DPYSL4: variants seen among roughly 807,000 people sequenced by gnomAD.
DPYSL4 encodes dihydropyrimidinase-related protein 4.
DPYSL4 carries 43 observed loss-of-function variants against 63.4 expected under a neutral mutation model. That is an observed-to-expected ratio of 0.68 (90% CI 0.53 to 0.88). DPYSL4 has a LOEUF of 0.88. DPYSL4 is among the 40% of genes least tolerant of loss of function. The pLI, the probability that DPYSL4 is intolerant of heterozygous loss-of-function variation, is 0.00. For missense variants in DPYSL4, 733 were observed against 819.5 expected (o/e 0.89, Z 1.29); for synonymous variants, 353 against 331.7 (o/e 1.06, Z -0.70).
In DPYSL4 at chr10:132,204,848, C is replaced by T. The variant is rs759820948; in HGVS notation, c.1637C>T (p.Ala546Val). 1 of 1,611,088 alleles carries T rather than the reference C, an allele frequency of 6.2e-7. No individual in the cohort carries two copies. Among genetic ancestry groups the T allele is most frequent in the Admixed American group, 1.7e-5 (1 of 59,692 alleles). Residue 546 changes from alanine (A) to valine (V), a missense_variant, in exon 14 of 14, where the codon GCT becomes GTT. Coordinates refer to ENST00000338492, the MANE Select transcript of DPYSL4 (RefSeq NM_006426.3). ...TGTGCCCTTTCTTCAGGGTCTCAGGCTGATGACCACATCGCCCGACGCACA... is the reference window on the plus strand; with the variant it reads ...TGTGCCCTTTCTTCAGGGTCTCAGGTTGATGACCACATCGCCCGACGCACA... ...QSGFSLSGSQ[A>V]DDHIARRTAQ...
intron 4 of DPYSL4, among the ~76,000 whole-genome samples, chr10:132,196,090 C>T (rs1322587705): frequency 6.6e-6 from 1 of 152,264 alleles, no homozygotes; most frequent in Non-Finnish European, 1.5e-5. Flanking sequence ...CACAGTGTGA[C>T]TCAGTTTCCC....
rs746291366 is a variant in DPYSL4 at position 132,200,916 on chromosome 10, T to G, written c.1043T>G (p.Phe348Cys). 6.2e-7 allele frequency: 1 copy of G among 1,613,196 alleles called. No individual in the cohort carries two copies. The highest frequency in any genetic ancestry group is 8.5e-7 in the Non-Finnish European group (1 of 1,179,956). Reference protein sequence around the residue: ...TAQKAVGKDNFALIPEGTNGI... With the variant: ...TAQKAVGKDNCALIPEGTNGI... Reference sequence around the variant, plus strand: ...CAGAAGGCTGTGGGCAAGGACAACTTCGCGCTGATCCCCGAGGGCACCAAC... The same window carrying G: ...CAGAAGGCTGTGGGCAAGGACAACTGCGCGCTGATCCCCGAGGGCACCAAC... The change falls in exon 10 of 14, where the codon TTC becomes TGC. Residue 348 changes from phenylalanine to cysteine, a missense_variant. Transcript: ENST00000338492.
intron 1 of DPYSL4, among the ~76,000 whole-genome samples, chr10:132,189,217 G>A (rs2061842243): frequency 6.6e-6 from 1 of 152,270 alleles, no homozygotes; most frequent in South Asian, 2.1e-4. Flanking sequence ...TGCCGGGTCA[G>A]TTGCAGGGCG....
At chr10:132,189,507 G>A (rs2061846383) in intron 1 of DPYSL4, among the ~76,000 whole-genome samples, 1 of 152,182 alleles carries the variant, frequency 6.6e-6, no homozygotes, top group Non-Finnish European at 1.5e-5. Flanking sequence ...GCTCTGTGCT[G>A]CCAGGGCTGA....
rs150522471 is a variant in DPYSL4, at chr10:132,200,447, C to T, written c.903C>T (p.Phe301=). 1,311 of 1,613,458 alleles carry T rather than the reference C, an allele frequency of 8.1e-4. No homozygotes were observed. Among genetic ancestry groups the T allele is most frequent in the Non-Finnish European group, 1.0e-3 (1,190 of 1,179,944 alleles). The stretch of plus-strand genomic sequence containing the variant: ...AGAACTGGGCCAAGGCCGCAGCCTT[C>T]GTCACATCACCCCCTGTCAACCCAG... ...WSKNWAKAAA[F]VTSPPVNPDP... The change falls in exon 9 of 14, where the codon TTC becomes TTT. Residue 301 remains phenylalanine, a synonymous_variant. Transcript: ENST00000338492.
chr10:132,199,016 G>A lies in DPYSL4; in HGVS notation c.811+45G>A, dbSNP rs186313092. On this transcript the variant is annotated intron_variant, in intron 8 of 13. Transcript: ENST00000338492. ...TCTGATGCCGAGGGGCCATGGTCTCGGCCTCCTGGGTGCAGCCCTGGGGAG... is the reference window on the plus strand; with the variant it reads ...TCTGATGCCGAGGGGCCATGGTCTCAGCCTCCTGGGTGCAGCCCTGGGGAG... 1,732 of 1,593,220 alleles carry A rather than the reference G, an allele frequency of 1.1e-3. 4 individuals carry two copies. Among genetic ancestry groups the A allele is most frequent in the Non-Finnish European group, 1.3e-3 (1,531 of 1,167,626 alleles).
At position 132,198,602 on chromosome 10, in the gene DPYSL4, C is replaced by G. The variant is rs185250696; in HGVS notation, c.690+119C>G. On this transcript the variant is annotated intron_variant, in intron 7 of 13. Transcript: ENST00000338492. ...CCTGCCACTGTGCTCGCCCCGACCT[C>G]ATCTGGGAGGCGTGAATCCTCCCCG... 14 of 1,144,266 alleles carry G rather than the reference C, an allele frequency of 1.2e-5. No homozygotes were observed. In the African/African-American group the frequency reaches 1.9e-4, roughly 15 times the overall value. 70.9% of individuals were successfully genotyped at this position (1,144,266 alleles called of 1,614,324 possible).
intron 1 of DPYSL4, among the ~76,000 whole-genome samples, chr10:132,187,458 G>A (rs11146233): frequency 0.5 from 75,230 of 151,568 alleles, 19,947 homozygotes; most frequent in East Asian, 0.93. Context: ...CCTGTCCCTC[G>A]GAGCGCTAGC....
In DPYSL4 at chr10:132,205,027, A is replaced by G. The variant is rs1005916729; in HGVS notation, c.*97A>G. 1.5e-4 allele frequency: 153 copies of G among 1,024,242 alleles called. No individual in the cohort carries two copies. Among genetic ancestry groups the G allele is most frequent in the Non-Finnish European group, 2.0e-4 (147 of 721,622 alleles). 63.4% of individuals were successfully genotyped at this position (1,024,242 alleles called of 1,614,324 possible). ...CCTCCTTAGCATTTTCTTTTGTAGA[A>G]GTTTCTCGAAGGTGCTTGGCGGTCT... On this transcript the variant is annotated 3_prime_UTR_variant, in exon 14 of 14. Transcript: ENST00000338492.
Position 132,201,975 on chromosome 10 carries a change from C to T in DPYSL4, c.1140C>T (p.Phe380=), listed in dbSNP as rs528676420. The T allele has an allele frequency of 2.7e-5, 44 of 1,613,106 alleles. No homozygotes were observed. Among genetic ancestry groups the T allele is most frequent in the Admixed American group, 1.8e-4 (11 of 59,994 alleles). The part of the protein sequence containing the change: ...VASGKMDENE[F]VAVTSTNAAK... ...CTGGGAAGATGGACGAGAATGAGTT[C>T]GTCGCGGTGACCAGTACAAATGCTG... Residue 380 remains phenylalanine (F), a synonymous_variant, in exon 11 of 14, where the codon TTC becomes TTT. Coordinates refer to ENST00000338492, the MANE Select transcript of DPYSL4 (RefSeq NM_006426.3).
At chr10:132,201,360 C>T (rs142636729) in intron 10 of DPYSL4, among the ~76,000 whole-genome samples, 91 of 152,350 alleles carry the variant, frequency 6.0e-4, no homozygotes, top group African/African-American at 2.2e-3. Context: ...TCAGCCCCAC[C>T]TCCCCGGGCA....
intron 12 of DPYSL4, chr10:132,203,426 G>T: frequency 2.7e-6 from 1 of 372,732 alleles, no homozygotes. Flanking sequence ...TGGCGTCTGT[G>T]CACACACAAG....
rs769269809 is a variant in DPYSL4 at position 132,198,979 on chromosome 10, C to T, written c.811+8C>T. The T allele has an allele frequency of 5.8e-5, 93 of 1,600,150 alleles. No individual in the cohort carries two copies. Among genetic ancestry groups the T allele is most frequent in the Non-Finnish European group, 7.7e-5 (90 of 1,172,174 alleles). On this transcript the variant is annotated splice_region_variant and intron_variant, in intron 8 of 13. Coordinates refer to ENST00000338492, the MANE Select transcript of DPYSL4 (RefSeq NM_006426.3). The stretch of plus-strand genomic sequence containing the variant: ...CTCAGGCCAAGCGCAGAGGTGAGCA[C>T]CCAGCCCCGCCTCTGATGCCGAGGG...
At position 132,200,420 on chromosome 10, in the gene DPYSL4, C is replaced by A; in HGVS notation, c.876C>A (p.Ser292Arg). The A allele has an allele frequency of 6.2e-7, 1 of 1,613,608 alleles. No homozygotes were observed. The highest frequency in any genetic ancestry group is 1.3e-5 in the African/African-American group (1 of 75,040). ...GCACCGACGGTTCACACTACTGGAG[C>A]AAGAACTGGGCCAAGGCCGCAGCCT... is the stretch of plus-strand genomic sequence containing the variant. ...SLGTDGSHYW[S>R]KNWAKAAAFV... The change falls in exon 9 of 14, where the codon AGC becomes AGA. Residue 292 changes from serine (S) to arginine (R), a missense_variant. By Grantham distance (110) the Ser-to-Arg change is moderately radical. Coordinates refer to ENST00000338492, the MANE Select transcript of DPYSL4 (RefSeq NM_006426.3).
intron 13 of DPYSL4, among the ~76,000 whole-genome samples, chr10:132,204,353 C>T (rs529108674): frequency 1.4e-4 from 22 of 152,302 alleles, no homozygotes; most frequent in Admixed American, 1.2e-3. Context: ...TGGAGGGATA[C>T]ACGAGAATGC....
chr10:132,202,926 G>A, intron 12 of DPYSL4, 101 bp downstream of exon 12: 1 of 1,417,428 alleles, frequency 7.1e-7, no homozygotes, highest in Non-Finnish European at 9.5e-7. Context: ...CCTCCCGAGG[G>A]GTCAGGAAGA....
At chr10:132,203,289 C>T (rs575686530) in intron 12 of DPYSL4, among the ~76,000 whole-genome samples, 1 of 152,256 alleles carries the variant, frequency 6.6e-6, no homozygotes, top group South Asian at 2.1e-4. Context: ...AGCCCCCCCC[C>T]CATGGCCTTC....
intron 1 of DPYSL4, among the ~76,000 whole-genome samples, chr10:132,187,894 G>A (rs1408127293): frequency 2.0e-5 from 3 of 152,194 alleles, no homozygotes; most frequent in Non-Finnish European, 4.4e-5. Context: ...TTCGGGACCC[G>A]GCAGGACCTG....
Position 132,202,677 on chromosome 10 carries a change from A to G in DPYSL4, c.1313A>G (p.Glu438Gly). 6.2e-7 allele frequency: 1 copy of G among 1,613,070 alleles called. No individual in the cohort carries two copies. The highest frequency in any genetic ancestry group is 1.1e-5 in the South Asian group (1 of 91,074). The change falls in exon 12 of 14, where the codon GAG becomes GGG. Residue 438 changes from glutamate (E) to glycine (G), a missense_variant. Physicochemically the swap from Glu to Gly is moderately conservative, Grantham distance 98. Transcript: ENST00000338492. ...NVEYNIFEGV[E>G]CRGAPAVVIS... ...GAGTACAACATCTTCGAGGGAGTGG[A>G]GTGCCGGGGAGCGCCTGCCGTGGTC...
Sources: gnomAD v4.1 joint callset for allele counts (sites outside exome capture counted in the v4.1 genomes callset) on GRCh38, gnomAD v4.1.1 for gene constraint, MANE v1.5 for transcripts, NCBI Gene and HGNC (gene_info 2026-07-23, HGNC 2026-07-21) for gene names.